GRIP1: variants seen among roughly 807,000 people sequenced by gnomAD.
GRIP1 encodes glutamate receptor interacting protein 1, also known as glutamate receptor-interacting protein 1.
GRIP1 carries 45 observed loss-of-function variants against 129.9 expected under a neutral mutation model. The observed-to-expected ratio is 0.35, with a 90% CI of 0.27 to 0.44. GRIP1 has a LOEUF of 0.44. Ranked by LOEUF, GRIP1 falls within the 20% of genes least tolerant of loss-of-function variation. GRIP1 has a pLI of 1.00. For synonymous variants in GRIP1, 530 were observed against 520.8 expected (o/e 1.02, Z -0.24); for missense variants, 1,196 against 1,396.8 (o/e 0.86, Z 2.29).
chr12:66,957,903 C>T (rs972013437), intron 1 of GRIP1, among the ~76,000 whole-genome samples: 3 of 152,098 alleles, frequency 2.0e-5, no homozygotes, highest in Non-Finnish European at 4.4e-5. Flanking sequence ...CTTGAAAGTG[C>T]AGTATCTGCA....
chr12:66,456,215 G>C lies in GRIP1; in HGVS notation c.1170C>G (p.Phe390Leu). The change falls in exon 10 of 25, where the codon TTC (phenylalanine) becomes TTG (leucine). Residue 390 changes from phenylalanine to leucine, a missense_variant. Physicochemically the swap from Phe to Leu is conservative, Grantham distance 22. Coordinates refer to ENST00000359742, the MANE Select transcript of GRIP1 (RefSeq NM_001366722.1). ...GGCTGTTTGGAGGAGGTGCTTTCGG[G>C]AATGTCAGGGCTGGTACTCTGCAAT... ...PDHCRVPALT[F>L]PKAPPPNSPP... is the part of the protein sequence containing the mutation. The C allele has an allele frequency of 3.1e-6, 4 of 1,289,612 alleles. No homozygotes were observed. In the South Asian group the frequency reaches 4.9e-5, roughly 16 times the overall value. 79.9% of individuals were successfully genotyped at this position (1,289,612 alleles called of 1,614,324 possible).
At chr12:66,601,777 T>C (rs1006155208) in intron 1 of GRIP1, among the ~76,000 whole-genome samples, 5 of 152,138 alleles carry the variant, frequency 3.3e-5, no homozygotes, top group Admixed American at 3.3e-4. Context: ...GAAAGAAAAG[T>C]CTGGTTTCCA....
At chr12:66,622,654 A>G (rs749922144) in intron 1 of GRIP1, among the ~76,000 whole-genome samples, 4 of 152,138 alleles carry the variant, frequency 2.6e-5, no homozygotes, top group Non-Finnish European at 4.4e-5. Context: ...TCCAGACAAC[A>G]TGGCACATGG....
rs748677923 is a variant in GRIP1, at chr12:66,392,466, G to C, written c.2306C>G (p.Ser769Cys). The C allele has an allele frequency of 1.9e-6, 3 of 1,614,012 alleles. No individual in the cohort carries two copies. Among genetic ancestry groups the C allele is most frequent in the Admixed American group, 1.7e-5 (1 of 59,994 alleles). ...SASSPKKFPI[S>C]SHLSDLGDVE... ...ATCCCCCAGGTCACTCAAATGGCTAGAAATAGGGAACTTCTTGGGGCTCGA... is the reference window on the plus strand; with the variant it reads ...ATCCCCCAGGTCACTCAAATGGCTACAAATAGGGAACTTCTTGGGGCTCGA... Residue 769 changes from serine to cysteine, a missense_variant, in exon 19 of 25, where the codon TCT (serine) becomes TGT (cysteine). This residue lies in a region of GRIP1 where 427 missense variants were observed against 463.3 expected (regional missense o/e 0.92). Coordinates refer to ENST00000359742, the MANE Select transcript of GRIP1 (RefSeq NM_001366722.1).
At chr12:66,806,336 T>C, upstream of GRIP1, among the ~76,000 whole-genome samples, 1 of 152,192 alleles carries the variant, frequency 6.6e-6, no homozygotes, top group Non-Finnish European at 1.5e-5. Flanking sequence ...GTTCATTCTT[T>C]TCTATGTAAA....
intron 1 of GRIP1, among the ~76,000 whole-genome samples, chr12:66,985,399 C>A (rs1045680791): frequency 3.3e-5 from 5 of 152,094 alleles, no homozygotes; most frequent in African/African-American, 9.7e-5. Context: ...AAAGAACCTA[C>A]ACAATAAATA....
chr12:66,457,764 G>A (rs1190466877), intron 9 of GRIP1, among the ~76,000 whole-genome samples: 3 of 152,132 alleles, frequency 2.0e-5, no homozygotes, highest in Non-Finnish European at 4.4e-5. Context: ...AAAAGCACTA[G>A]CACGGACAGA....
chr12:66,852,926 T>C lies in GRIP1; in HGVS notation c.58+216124A>G, dbSNP rs547346952. 5.9e-4 allele frequency among the ~76,000 whole-genome samples: 89 copies of C among 152,068 alleles called. 2 individuals carry two copies. The South Asian group carries it at 0.018, about 30-fold the overall frequency. ...TATCAGCATATATGCCTTTGGAGAA[T>C]AGACTCACATTCTAACACAGACCAG... On this transcript the variant is annotated intron_variant, in intron 1 of 1. Transcript: ENST00000643019.
intron 2 of GRIP1, among the ~76,000 whole-genome samples, chr12:66,570,363 C>T (rs916989068): frequency 6.6e-6 from 1 of 152,178 alleles, no homozygotes; most frequent in African/African-American, 2.4e-5. Flanking sequence ...GTGATCCCAG[C>T]CTCTGAAAGT....
chr12:67,015,001 G>A (rs1312907940), intron 1 of GRIP1, among the ~76,000 whole-genome samples: 1 of 152,054 alleles, frequency 6.6e-6, no homozygotes, highest in African/African-American at 2.4e-5. Context: ...TAAATAAATG[G>A]AAAAATAAAT....
rs2058932533 is a variant in GRIP1 at position 66,455,519 on chromosome 12, T to C, written c.1244A>G (p.Tyr415Cys). Residue 415 changes from tyrosine (Y) to cysteine (C), a missense_variant, in exon 11 of 25, where the codon TAC (tyrosine) becomes TGC (cysteine). Around this residue, in one of 5 missense-constraint regions of GRIP1, gnomAD observed 508 missense variants for 587.0 expected, o/e 0.87. Coordinates refer to ENST00000359742, the MANE Select transcript of GRIP1 (RefSeq NM_001366722.1). Reference sequence around the variant, plus strand: ...CCCCATGTTCAGGGAACTCAGGCTGTATGCACTCATGGAGGTAGGAGAGAA... The same window carrying C: ...CCCCATGTTCAGGGAACTCAGGCTGCATGCACTCATGGAGGTAGGAGAGAA... Reference protein sequence around the residue: ...SSFSPTSMSAYSLSSLNMGTL... With the variant: ...SSFSPTSMSACSLSSLNMGTL... The C allele has an allele frequency of 6.2e-7, 1 of 1,613,822 alleles. No homozygotes were observed. Among genetic ancestry groups the C allele is most frequent in the South Asian group, 1.1e-5 (1 of 91,086 alleles).
At chr12:66,881,973 A>T (rs1045966834) in intron 1 of GRIP1, among the ~76,000 whole-genome samples, 1 of 152,094 alleles carries the variant, frequency 6.6e-6, no homozygotes, top group African/African-American at 2.4e-5. Flanking sequence ...GGTGGCATCT[A>T]ATTCCTATTT....
At chr12:66,628,070 G>C (rs767648617) in intron 1 of GRIP1, among the ~76,000 whole-genome samples, 1 of 152,142 alleles carries the variant, frequency 6.6e-6, no homozygotes, top group Non-Finnish European at 1.5e-5. Context: ...AATAAGCATC[G>C]AGGAGAAATC....
intron 1 of GRIP1, among the ~76,000 whole-genome samples, chr12:66,947,993 C>T (rs911690167): frequency 2.6e-5 from 4 of 152,154 alleles, no homozygotes; most frequent in African/African-American, 9.7e-5. Flanking sequence ...TGCAGGACCT[C>T]GCTGCTTATC....
At chr12:66,492,830 T>C (rs1271122788) in intron 7 of GRIP1, among the ~76,000 whole-genome samples, 1 of 151,998 alleles carries the variant, frequency 6.6e-6, no homozygotes, top group African/African-American at 2.4e-5. Context: ...GCCAACATGG[T>C]GAAATCCCAT....
intron 1 of GRIP1, among the ~76,000 whole-genome samples, chr12:66,664,738 T>C (rs2033700084): frequency 6.6e-6 from 1 of 152,198 alleles, no homozygotes; most frequent in Non-Finnish European, 1.5e-5. Context: ...GTACATAATA[T>C]ACCCAGTTCA....
At chr12:66,436,758 G>A (rs1176909802) in intron 13 of GRIP1, among the ~76,000 whole-genome samples, 5 of 152,012 alleles carry the variant, frequency 3.3e-5, no homozygotes, top group South Asian at 2.1e-4. Flanking sequence ...TGAGGCAGGC[G>A]GATTGCCTGA....
chr12:66,468,030 T>G (rs1011591790), intron 7 of GRIP1, among the ~76,000 whole-genome samples: 1 of 152,232 alleles, frequency 6.6e-6, no homozygotes, highest in African/African-American at 2.4e-5. Flanking sequence ...TTCCCTGATA[T>G]CTCATCTTCT....
chr12:66,791,914 G>A (rs112081470), intron 1 of GRIP1, among the ~76,000 whole-genome samples: 2,209 of 152,232 alleles, frequency 0.015, 62 homozygotes, highest in African/African-American at 0.05. Context: ...ATGGGAACAT[G>A]CAGCATTTGA....
Sources: allele counts gnomAD v4.1 joint callset (sites outside exome capture counted in the v4.1 genomes callset), GRCh38; gene constraint gnomAD v4.1.1; regional missense constraint gnomAD v4.1.1; transcripts MANE v1.5; gene names NCBI Gene and HGNC (gene_info 2026-07-23, HGNC 2026-07-21).